MBD5: variants seen among roughly 807,000 people sequenced by gnomAD.
MBD5 encodes the protein methyl-CpG-binding domain protein 5.
MBD5 carries 13 observed loss-of-function variants against 117.3 expected under a neutral mutation model. The ratio of observed to expected loss-of-function variants is 0.11; its 90% CI spans 0.07 to 0.18. The LOEUF (loss-of-function observed/expected upper bound fraction) is 0.18, where lower values mean the gene tolerates loss of function less well. Among genes scored for constraint, MBD5 ranks in the 10% least tolerant of loss-of-function variants. MBD5 has a pLI of 1.00. For synonymous variants in MBD5, 727 were observed against 766.4 expected (o/e 0.95, Z 0.85); for missense variants, 1,879 against 2,093.8 (o/e 0.90, Z 2.00).
intron 1 of MBD5, among the ~76,000 whole-genome samples, chr2:148,143,773 G>C (rs894916976): frequency 1.3e-5 from 2 of 152,124 alleles, no homozygotes; most frequent in Non-Finnish European, 2.9e-5. Context: ...CCCTACAAAG[G>C]ACATGAACTC....
At chr2:148,237,465 G>A (rs935754176) in intron 3 of MBD5, among the ~76,000 whole-genome samples, 1 of 152,108 alleles carries the variant, frequency 6.6e-6, no homozygotes, top group Non-Finnish European at 1.5e-5. Context: ...GGGATTGGGA[G>A]GCCCAAGGAG....
intron 4 of MBD5, among the ~76,000 whole-genome samples, chr2:148,409,695 A>G (rs1401761954): frequency 6.6e-6 from 1 of 152,230 alleles, no homozygotes; most frequent in Non-Finnish European, 1.5e-5. Flanking sequence ...TAGTTTTACT[A>G]AGGCCAACCA....
intron 3 of MBD5, among the ~76,000 whole-genome samples, chr2:148,291,526 T>G (rs1701500806): frequency 6.6e-6 from 1 of 152,004 alleles, no homozygotes; most frequent in Non-Finnish European, 1.5e-5. Flanking sequence ...AATAACCAAT[T>G]TTTTTTAACA....
At chr2:148,195,057 A>G (rs116705428) in intron 2 of MBD5, among the ~76,000 whole-genome samples, 368 of 152,334 alleles carry the variant, frequency 2.4e-3, no homozygotes, top group African/African-American at 8.5e-3. Flanking sequence ...ATCAAAATGT[A>G]AACAAGTAGG....
rs868555720 is a variant in MBD5 at position 148,091,254 on chromosome 2, T to C, written c.-925+69570T>C. On this transcript the variant is annotated intron_variant, in intron 1 of 13. Transcript: ENST00000642680. The stretch of plus-strand genomic sequence containing the variant: ...TGCCAAAAGTAAGCTACAAATTCAG[T>C]GCAGTTCCCATCAAAATACCATCAT... Among the ~76,000 whole-genome samples, 10 of 152,228 alleles carry C rather than the reference T, an allele frequency of 6.6e-5. 1 individual carries two copies. In the South Asian group the frequency reaches 2.1e-3, roughly 32 times the overall value.
At chr2:148,078,248 T>C (rs1320927114) in intron 1 of MBD5, among the ~76,000 whole-genome samples, 1 of 152,174 alleles carries the variant, frequency 6.6e-6, no homozygotes, top group Non-Finnish European at 1.5e-5. Context: ...AGGTTCTTTC[T>C]AGTTTTTTGG....
At chr2:148,151,284 G>A (rs1257146425) in intron 1 of MBD5, among the ~76,000 whole-genome samples, 1 of 151,864 alleles carries the variant, frequency 6.6e-6, no homozygotes, top group African/African-American at 2.4e-5. Flanking sequence ...GCATCCCAGG[G>A]ATGAAGCCCA....
chr2:148,322,729 T>TTAG (rs1702315883), intron 3 of MBD5, among the ~76,000 whole-genome samples: 1 of 152,210 alleles, frequency 6.6e-6, no homozygotes, highest in Admixed American at 6.5e-5. Context: ...ATCAGAATTC[T>TTAG]TAGTCCAACT....
chr2:148,494,732 C>A (rs966263357), intron 11 of MBD5, among the ~76,000 whole-genome samples: 3 of 152,108 alleles, frequency 2.0e-5, no homozygotes, highest in Non-Finnish European at 2.9e-5. Context: ...GAGGCCGAGG[C>A]GGGCAGATCA....
At chr2:148,414,072 G>C (rs1259972968) in intron 4 of MBD5, among the ~76,000 whole-genome samples, 1 of 151,902 alleles carries the variant, frequency 6.6e-6, no homozygotes, top group Admixed American at 6.6e-5. Flanking sequence ...TTGTTAATTT[G>C]AGATCTTCCT....
chr2:148,210,921 A>G (rs542707587), intron 2 of MBD5, among the ~76,000 whole-genome samples: 6 of 152,230 alleles, frequency 3.9e-5, no homozygotes, highest in Non-Finnish European at 5.9e-5. Flanking sequence ...ATATGTATGT[A>G]TAAGAGAAGA....
intron 12 of MBD5, among the ~76,000 whole-genome samples, chr2:148,508,211 C>G (rs1682102600): frequency 6.6e-6 from 1 of 152,060 alleles, no homozygotes. Flanking sequence ...ACAACTGAGA[C>G]TGACTCCATG....
chr2:148,110,723 T>C (rs1185592335), intron 1 of MBD5, among the ~76,000 whole-genome samples: 1 of 152,028 alleles, frequency 6.6e-6, no homozygotes, highest in East Asian at 1.9e-4. Context: ...GCTCTCATCT[T>C]ATTTGGATGC....
intron 3 of MBD5, among the ~76,000 whole-genome samples, chr2:148,302,031 G>A (rs893410315): frequency 3.9e-5 from 6 of 152,104 alleles, no homozygotes; most frequent in African/African-American, 1.4e-4. Context: ...TGGGAATGGG[G>A]GGCCCTCTCC....
chr2:148,177,032 T>G (rs1210132580), intron 1 of MBD5, among the ~76,000 whole-genome samples: 1 of 152,204 alleles, frequency 6.6e-6, no homozygotes, highest in African/African-American at 2.4e-5. Flanking sequence ...CCTAAGAGGA[T>G]AGCAAAGCTT....
chr2:148,495,494 T>A (rs1262253370), intron 11 of MBD5, among the ~76,000 whole-genome samples: 1 of 152,200 alleles, frequency 6.6e-6, no homozygotes, highest in Non-Finnish European at 1.5e-5. Context: ...ATCATTGCTC[T>A]TACATTTAAT....
chr2:148,388,833 A>G (rs1704459787), intron 4 of MBD5, among the ~76,000 whole-genome samples: 2 of 152,222 alleles, frequency 1.3e-5, no homozygotes, highest in East Asian at 1.9e-4. Flanking sequence ...CAAAATTATT[A>G]TAATTATTCA....
chr2:148,122,189 G>A (rs952842056), intron 1 of MBD5, among the ~76,000 whole-genome samples: 10 of 152,142 alleles, frequency 6.6e-5, no homozygotes, highest in African/African-American at 2.2e-4. Context: ...ATAACGTAAA[G>A]ATCCAGAGCC....
intron 1 of MBD5, among the ~76,000 whole-genome samples, chr2:148,155,713 C>G (rs890258746): frequency 6.6e-6 from 1 of 152,124 alleles, no homozygotes; most frequent in Non-Finnish European, 1.5e-5. Context: ...TGTTCTAGGT[C>G]CTGTGCTAGA....
Sources: gnomAD v4.1 joint callset for allele counts (sites outside exome capture counted in the v4.1 genomes callset) on GRCh38, gnomAD v4.1.1 for gene constraint, MANE v1.5 for transcripts, NCBI Gene and HGNC (gene_info 2026-07-23, HGNC 2026-07-21) for gene names.